The following RUFY3 variants were observed in gnomAD, a reference collection of about 807,000 sequenced individuals.
RUFY3 encodes RUN and FYVE domain containing 3.
RUFY3 carries 34 observed loss-of-function variants against 84.0 expected under a neutral mutation model. That is an observed-to-expected ratio of 0.40 (90% confidence interval 0.31 to 0.54). RUFY3 has a LOEUF of 0.54. Ranked by LOEUF, RUFY3 falls within the 20% of genes least tolerant of loss-of-function variation. The pLI is 0.39. For synonymous variants in RUFY3, 242 were observed against 252.9 expected, an observed-to-expected ratio of 0.96 and a Z score of 0.41; for missense variants, 507 against 736.8, an observed-to-expected ratio of 0.69 and a Z score of 3.61.
intron 17 of RUFY3, among the ~76,000 whole-genome samples, 158 bp downstream of exon 17, chr4:70,804,574 G>T (rs907159174): frequency 1.3e-5 from 2 of 151,946 alleles, no homozygotes; most frequent in South Asian, 4.2e-4. Flanking sequence ...CATTTACTGG[G>T]TACCTGTTTT....
intron 1 of RUFY3, among the ~76,000 whole-genome samples, chr4:70,728,051 G>T (rs1026562227): frequency 2.0e-5 from 3 of 152,162 alleles, no homozygotes; most frequent in Non-Finnish European, 2.9e-5. Context: ...GTTGTCTCAA[G>T]TGACTACAGA....
intron 16 of RUFY3, among the ~76,000 whole-genome samples, chr4:70,803,530 T>C (rs1732499970): frequency 6.6e-6 from 1 of 152,000 alleles, no homozygotes; most frequent in Admixed American, 6.6e-5. Context: ...CTCAGCTCAC[T>C]GAAGCCTCAA....
At chr4:70,760,049 GT>G (rs1194835326) in intron 1 of RUFY3, among the ~76,000 whole-genome samples, 1 of 152,170 alleles carries the variant, frequency 6.6e-6, no homozygotes, top group Non-Finnish European at 1.5e-5. Flanking sequence ...TGGGTAGGTT[GT>G]TTATGTTTGA....
intron 10 of RUFY3, among the ~76,000 whole-genome samples, chr4:70,786,584 G>C (rs1183144050): frequency 6.6e-6 from 1 of 151,918 alleles, no homozygotes; most frequent in African/African-American, 2.4e-5. Context: ...AAATGTTTAA[G>C]ATGATAGATA....
rs766671965 is a variant in RUFY3 at position 70,794,830 on chromosome 4, AAAG to A, written c.1498_1500del (p.Arg500del). ...GAGTTAGAACTAAAACAGGAAAAAGAAAGAAGATTACAAAACGACAGGAGCATC... is the reference window on the plus strand; with the variant it reads ...GAGTTAGAACTAAAACAGGAAAAAGAAAGATTACAAAACGACAGGAGCATC... On this transcript the variant is annotated inframe_deletion, in exon 14 of 18. Transcript: ENST00000381006. The A allele has an allele frequency of 2.2e-5, 35 of 1,613,240 alleles. No homozygotes were observed. Among genetic ancestry groups the A allele is most frequent in the Middle Eastern group, 1.6e-4 (1 of 6,084 alleles).
At chr4:70,705,434 C>A (rs539962648) in intron 1 of RUFY3, 1 of 552,378 alleles carries the variant, frequency 1.8e-6, no homozygotes, top group East Asian at 3.6e-5. Flanking sequence ...TTAGGGGCTA[C>A]CCTCGGGAAG....
chr4:70,730,380 C>A (rs1347917709), intron 1 of RUFY3, among the ~76,000 whole-genome samples: 1 of 152,020 alleles, frequency 6.6e-6, no homozygotes, highest in Non-Finnish European at 1.5e-5. Flanking sequence ...AAAATGTATT[C>A]TCTCATTTAA....
chr4:70,721,523 C>G (rs532827402), upstream of RUFY3, among the ~76,000 whole-genome samples: 6 of 151,904 alleles, frequency 3.9e-5, no homozygotes, highest in Middle Eastern at 3.4e-3. Context: ...TGAAAATCTA[C>G]TTTAGCTTTT....
chr4:70,744,258 G>A (rs1159753613), intron 1 of RUFY3, among the ~76,000 whole-genome samples: 3 of 150,032 alleles, frequency 2.0e-5, no homozygotes, highest in Non-Finnish European at 4.5e-5. Flanking sequence ...GAGTGCAGTG[G>A]CATGATCATA....
chr4:70,711,129 A>AT (rs1000421831), intron 1 of RUFY3, among the ~76,000 whole-genome samples: 2 of 150,582 alleles, frequency 1.3e-5, no homozygotes, highest in Admixed American at 6.6e-5. Context: ...AAAATAAACA[A>AT]TTTTTTTAAA....
intron 16 of RUFY3, among the ~76,000 whole-genome samples, chr4:70,803,851 T>G (rs1264075114): frequency 1.3e-5 from 2 of 151,428 alleles, no homozygotes; most frequent in Non-Finnish European, 2.9e-5. Context: ...GCCTCCCGAG[T>G]AGCTGGGATT....
intron 1 of RUFY3, among the ~76,000 whole-genome samples, chr4:70,725,554 C>A (rs1718099652): frequency 6.6e-6 from 1 of 152,168 alleles, no homozygotes; most frequent in African/African-American, 2.4e-5. Flanking sequence ...TGGTCTCGAA[C>A]TCCCAACCTC....
chr4:70,704,212 G>A (rs1739999796), upstream of RUFY3: 1 of 152,216 alleles, frequency 6.6e-6, no homozygotes, highest in Non-Finnish European at 1.5e-5. Context: ...GCAAATACAG[G>A]ATTTCAGTAC....
Position 70,788,922 on chromosome 4 carries a change from G to A in RUFY3, c.1188G>A (p.Gln396=). The A allele has an allele frequency of 6.2e-7, 1 of 1,614,184 alleles. No individual in the cohort carries two copies. The highest frequency in any genetic ancestry group is 8.5e-7 in the Non-Finnish European group (1 of 1,180,022). Residue 396 remains glutamine (Q), a synonymous_variant, in exon 11 of 18, where the codon CAG becomes CAA. Transcript: ENST00000381006. ...EKQDALVSLR[Q]QLDDLRALKH... Reference sequence around the variant, plus strand: ...AGGATGCCCTGGTATCTCTTCGGCAGCAGCTGGATGACCTCAGAGCTCTCA... The same window carrying A: ...AGGATGCCCTGGTATCTCTTCGGCAACAGCTGGATGACCTCAGAGCTCTCA...
chr4:70,719,862 C>G (rs1742060460), upstream of RUFY3, among the ~76,000 whole-genome samples: 1 of 152,124 alleles, frequency 6.6e-6, no homozygotes, highest in African/African-American at 2.4e-5. Context: ...GTGCCTGGAT[C>G]ACTACCTGGC....
chr4:70,750,273 T>C (rs1314087464), intron 1 of RUFY3, among the ~76,000 whole-genome samples: 1 of 152,202 alleles, frequency 6.6e-6, no homozygotes, highest in Admixed American at 6.5e-5. Flanking sequence ...TCTTATTTAA[T>C]CTAATACCTC....
chr4:70,722,888 AC>A, intron 1 of RUFY3, 137 bp downstream of exon 1: 1 of 723,986 alleles, frequency 1.4e-6, no homozygotes, highest in Non-Finnish European at 2.1e-6. Flanking sequence ...ATCCTTACTT[AC>A]CACCCAGCTC....
intron 9 of RUFY3, 21 bp from the exon 10 acceptor site, chr4:70,784,775 A>G: frequency 6.5e-7 from 1 of 1,546,424 alleles, no homozygotes; most frequent in Non-Finnish European, 8.8e-7. Flanking sequence ...AAATATGTAC[A>G]ATGTTATTTA....
chr4:70,800,752 C>T (rs1732123979), intron 15 of RUFY3, among the ~76,000 whole-genome samples: 1 of 152,094 alleles, frequency 6.6e-6, no homozygotes, highest in African/African-American at 2.4e-5. Flanking sequence ...TCTGGTGGTA[C>T]CTGCCTGTAA....
Sources: gnomAD v4.1 joint callset for allele counts (sites outside exome capture counted in the v4.1 genomes callset) on GRCh38, gnomAD v4.1.1 for gene constraint, MANE v1.5 for transcripts, NCBI Gene and HGNC (gene_info 2026-07-23, HGNC 2026-07-21) for gene names.